NRP1: variants seen among roughly 807,000 people sequenced by gnomAD.
The protein encoded by NRP1 is neuropilin 1.
NRP1 carries 35 observed loss-of-function variants against 106.7 expected under a neutral mutation model. That is an observed-to-expected ratio of 0.33 (90% CI 0.25 to 0.43). The LOEUF (loss-of-function observed/expected upper bound fraction) is 0.43. Among genes scored for constraint, NRP1 ranks in the 20% least tolerant of loss-of-function variants. The pLI, the probability that NRP1 is intolerant of heterozygous loss-of-function variation, is 1.00. For missense variants in NRP1, 1,024 were observed against 1,170.4 expected (o/e 0.87, Z 1.83); for synonymous variants, 437 against 417.9 (o/e 1.05, Z -0.56).
At chr10:33,199,389 ATTTTTTTTTTTTTTTTTTTTTT>A (rs1160327036) in intron 11 of NRP1, among the ~76,000 whole-genome samples, 2 of 36,840 alleles carry the variant, frequency 5.4e-5, no homozygotes, top group African/African-American at 2.3e-4. Flanking sequence ...ATATATATAT[ATTTTTTTTTTTTTTTTTTTTTT>A]TTTTTTTTTT....
chr10:33,256,808 G>C (rs1842226565), intron 4 of NRP1, among the ~76,000 whole-genome samples: 1 of 152,220 alleles, frequency 6.6e-6, no homozygotes, highest in African/African-American at 2.4e-5. Flanking sequence ...GGGCAAATCT[G>C]TATACACAGC....
At chr10:33,234,393 A>T (rs371535664) in intron 6 of NRP1, among the ~76,000 whole-genome samples, 17 of 152,310 alleles carry the variant, frequency 1.1e-4, no homozygotes, top group African/African-American at 4.1e-4. Context: ...TTTTATAACC[A>T]TAATGATTAG....
intron 6 of NRP1, among the ~76,000 whole-genome samples, chr10:33,243,173 T>A (rs1435813569): frequency 7.2e-5 from 11 of 152,156 alleles, no homozygotes; most frequent in Admixed American, 7.2e-4. Context: ...AGTTTCTATG[T>A]GAAATCCCCA....
intron 4 of NRP1, among the ~76,000 whole-genome samples, 181 bp downstream of exon 4, chr10:33,263,465 A>G (rs1842709403): frequency 6.6e-6 from 1 of 152,212 alleles, no homozygotes. Context: ...CTAGATAATT[A>G]CTAAGGTCTT....
At chr10:33,190,778 A>ATG (rs1040228965) in intron 13 of NRP1, among the ~76,000 whole-genome samples, 12 of 151,698 alleles carry the variant, frequency 7.9e-5, no homozygotes, top group African/African-American at 1.2e-4. Context: ...GAGTGTGTAT[A>ATG]TGTGTGTGTG....
In NRP1 at chr10:33,179,869, A is replaced by C; in HGVS notation, c.*207T>G. ...TGATTATTCAAATGAAACCAACAGG[A>C]AAAAAGCTGACTGCACATGAGTCCG... is the stretch of plus-strand genomic sequence containing the variant. On this transcript the variant is annotated 3_prime_UTR_variant, in exon 17 of 17. Coordinates refer to ENST00000374867, the MANE Select transcript of NRP1 (RefSeq NM_003873.7). 2 of 582,228 alleles carry C rather than the reference A, an allele frequency of 3.4e-6. No individual in the cohort carries two copies. Among genetic ancestry groups the C allele is most frequent in the South Asian group, 4.7e-5 (2 of 42,470 alleles). The allele number at this position is 582,228 out of a possible 1,614,324, so 36.1% of individuals were successfully genotyped here.
chr10:33,317,099 T>C (rs1847092194), intron 2 of NRP1, among the ~76,000 whole-genome samples: 1 of 152,184 alleles, frequency 6.6e-6, no homozygotes, highest in African/African-American at 2.4e-5. Flanking sequence ...TAGAGGCCCA[T>C]AACAGTCCCA....
At chr10:33,281,884 A>G (rs1460640418) in intron 2 of NRP1, among the ~76,000 whole-genome samples, 1 of 152,210 alleles carries the variant, frequency 6.6e-6, no homozygotes, top group Non-Finnish European at 1.5e-5. Flanking sequence ...CACAGTGTAT[A>G]CTATTGGGTC....
chr10:33,310,758 G>C (rs929346910), intron 2 of NRP1, among the ~76,000 whole-genome samples: 1 of 152,112 alleles, frequency 6.6e-6, no homozygotes, highest in African/African-American at 2.4e-5. Flanking sequence ...TTCTTTCGTG[G>C]GAAGAAATAA....
chr10:33,182,238 A>G (rs572665955), intron 16 of NRP1, among the ~76,000 whole-genome samples: 302 of 152,288 alleles, frequency 2.0e-3, no homozygotes, highest in Middle Eastern at 3.4e-3. Flanking sequence ...ATCAAACACA[A>G]TGGATTATCT....
At chr10:33,227,887 A>C (rs1049269650) in intron 6 of NRP1, among the ~76,000 whole-genome samples, 1 of 152,090 alleles carries the variant, frequency 6.6e-6, no homozygotes, top group African/African-American at 2.4e-5. Flanking sequence ...GGATTAGATA[A>C]CTTGGAAGAC....
Position 33,226,245 on chromosome 10 carries a change from C to T in NRP1, c.1026G>A (p.Gln342=), listed in dbSNP as rs200760101. Reference sequence around the variant, plus strand: ...TCTTGGTTTCTTTTGAAATGGCGCCCTGTGTCCCGACAGCCGTGACAAAGC... The same window carrying T: ...TCTTGGTTTCTTTTGAAATGGCGCCTTGTGTCCCGACAGCCGTGACAAAGC... ...LLRFVTAVGT[Q]GAISKETKKK... The change falls in exon 7 of 17, where the codon CAG becomes CAA. Residue 342 remains glutamine, a synonymous_variant. Coordinates refer to ENST00000374867, the MANE Select transcript of NRP1 (RefSeq NM_003873.7). 10 of 1,614,150 alleles carry T rather than the reference C, an allele frequency of 6.2e-6. No homozygotes were observed. In the African/African-American group the frequency reaches 8.0e-5, roughly 13 times the overall value.
intron 2 of NRP1, among the ~76,000 whole-genome samples, chr10:33,314,838 C>T (rs1005549749): frequency 6.6e-6 from 1 of 152,184 alleles, no homozygotes; most frequent in Non-Finnish European, 1.5e-5. Flanking sequence ...CTTCAAGGAA[C>T]GCATCCCATG....
Position 33,334,604 on chromosome 10 carries a change from C to A in NRP1, c.-222G>T. On this transcript the variant is annotated 5_prime_UTR_variant, in exon 1 of 17. Transcript: ENST00000374867. ...GTCGCCTGCATCCTGTCATTTAGCT[C>A]CGGCTTCCTCTCCCTTTTCCCACAC... is the stretch of plus-strand genomic sequence containing the variant. 2 of 344,134 alleles carry A rather than the reference C, an allele frequency of 5.8e-6. No individual in the cohort carries two copies. Among genetic ancestry groups the A allele is most frequent in the Non-Finnish European group, 5.3e-6 (1 of 189,568 alleles). 21.3% of individuals were successfully genotyped at this position (344,134 alleles called of 1,614,324 possible). A position where few individuals can be genotyped will look rare whatever the true frequency, so the allele number is the denominator to read the frequency against.
intron 3 of NRP1, among the ~76,000 whole-genome samples, chr10:33,267,788 A>G (rs1843023231): frequency 1.3e-5 from 2 of 152,200 alleles, no homozygotes; most frequent in South Asian, 4.1e-4. Flanking sequence ...AGAGACATGT[A>G]GAAGGAAAAG....
At position 33,263,763 on chromosome 10, in the gene NRP1, T is replaced by C. The variant is rs753081430; in HGVS notation, c.541A>G (p.Lys181Glu). The C allele has an allele frequency of 2.5e-6, 4 of 1,613,916 alleles. No homozygotes were observed. The highest frequency in any genetic ancestry group is 1.6e-4 in the Middle Eastern group (1 of 6,062). ...AATTCCAGGATAATCTCTGACATCT[T>C]TGGCACAAAGACAATATAAGTGCAT... ...LECTYIVFVP[K>E]MSEIILEFES... is the part of the protein sequence containing the mutation. Residue 181 changes from lysine (K) to glutamate (E), a missense_variant, in exon 4 of 17, where the codon AAG (lysine) becomes GAG (glutamate). Lys to Glu is a moderately conservative substitution (Grantham distance 56). This residue lies in a region of NRP1 where 279 missense variants were observed against 327.4 expected (regional missense o/e 0.85). Transcript: ENST00000374867.
chr10:33,233,685 G>A (rs547950647), intron 6 of NRP1, among the ~76,000 whole-genome samples: 41 of 152,242 alleles, frequency 2.7e-4, no homozygotes, highest in African/African-American at 9.4e-4. Flanking sequence ...ACACTCCCAA[G>A]GCAGGTCAAT....
intron 2 of NRP1, among the ~76,000 whole-genome samples, chr10:33,292,985 CAA>C (rs141085175): frequency 7.3e-6 from 1 of 137,312 alleles, no homozygotes. Flanking sequence ...GACTCCATCT[CAA>C]AAAAAAAAAA....
At chr10:33,212,986 T>C (rs891120085) in intron 9 of NRP1, 17 of 505,076 alleles carry the variant, frequency 3.4e-5, no homozygotes, top group Non-Finnish European at 5.9e-5. Flanking sequence ...TAAAAATTTA[T>C]AAAAGAAACA....
Sources: allele counts gnomAD v4.1 joint callset (sites outside exome capture counted in the v4.1 genomes callset), GRCh38; gene constraint gnomAD v4.1.1; regional missense constraint gnomAD v4.1.1; transcripts MANE v1.5; gene names NCBI Gene and HGNC (gene_info 2026-07-23, HGNC 2026-07-21).